Variants in SPEF2 observed in about 807,000 individuals in gnomAD.
SPEF2 encodes sperm flagellar and cilia associated 2, also known as sperm flagella and cilia-associated protein 2.
SPEF2 carries 187 observed loss-of-function variants against 224.6 expected under a neutral mutation model. That is an observed-to-expected ratio of 0.83 (90% CI 0.74 to 0.94). SPEF2 has a LOEUF of 0.94. Among genes scored for constraint, SPEF2 ranks in the 40% least tolerant of loss-of-function variants. The pLI is 0.00. For synonymous variants in SPEF2, 715 were observed against 707.3 expected (o/e 1.01, Z -0.17); for missense variants, 2,170 against 2,135.6 (o/e 1.02, Z -0.32).
intron 30 of SPEF2, 37 bp downstream of exon 30, chr5:35,779,383 A>C (rs2149799955): frequency 6.6e-7 from 1 of 1,516,710 alleles, no homozygotes; most frequent in Admixed American, 1.9e-5. Context: ...AGCACAAAAA[A>C]AGGTTAAGAT....
In SPEF2 at chr5:35,749,039, C is replaced by A. The variant is rs1580567352; in HGVS notation, c.3331-4585C>A. 2.0e-5 allele frequency among the ~76,000 whole-genome samples: 3 copies of A among 152,054 alleles called. 1 individual carries two copies. In the East Asian group the frequency reaches 5.8e-4, roughly 29 times the overall value. Reference sequence around the variant, plus strand: ...CAGGGATGGTTTAACATACACAAGTCAATAAATGTGATACACCACATAAAC... The same window carrying A: ...CAGGGATGGTTTAACATACACAAGTAAATAAATGTGATACACCACATAAAC... On this transcript the variant is annotated intron_variant, in intron 23 of 36. Transcript: ENST00000356031.
chr5:35,797,408 G>A (rs752427692), intron 33 of SPEF2, among the ~76,000 whole-genome samples: 3 of 150,974 alleles, frequency 2.0e-5, no homozygotes, highest in Admixed American at 6.6e-5. Flanking sequence ...TTTTCCATCC[G>A]CCCCATGGGT....
chr5:35,733,725 G>A lies in SPEF2; in HGVS notation c.3063+5902G>A, dbSNP rs80195297. Among the ~76,000 whole-genome samples the A allele has an allele frequency of 9.0e-3, 1,366 of 151,894 alleles. 17 individuals are homozygous for A. The highest frequency in any genetic ancestry group is 0.032 in the African/African-American group (1,330 of 41,398). On this transcript the variant is annotated intron_variant, in intron 21 of 36. Transcript: ENST00000356031. ...GAAACCACGGAATGTTTTTCAGCAAGAAAGTAACATGTTGGAATAATTTTC... is the reference window on the plus strand; with the variant it reads ...GAAACCACGGAATGTTTTTCAGCAAAAAAGTAACATGTTGGAATAATTTTC...
At chr5:35,645,691 A>G (rs1747266689) in intron 4 of SPEF2, among the ~76,000 whole-genome samples, 1 of 152,186 alleles carries the variant, frequency 6.6e-6, no homozygotes. Context: ...CCTAATGCAG[A>G]CAGTCTCCAA....
intron 36 of SPEF2, among the ~76,000 whole-genome samples, chr5:35,813,893 C>T (rs1391564636): frequency 6.6e-6 from 1 of 151,372 alleles, no homozygotes; most frequent in African/African-American, 2.4e-5. Context: ...GTTGGTACTC[C>T]TTCTACATTG....
chr5:35,698,395 A>G (rs6451205), intron 15 of SPEF2: 100,866 of 152,004 alleles, frequency 0.66, 33,956 homozygotes, highest in African/African-American at 0.78. Context: ...ATGATGATAT[A>G]TCTAGAAATC....
chr5:35,767,814 A>G (rs1026676163), intron 26 of SPEF2, among the ~76,000 whole-genome samples: 6 of 152,070 alleles, frequency 3.9e-5, no homozygotes, highest in African/African-American at 1.4e-4. Context: ...TTCATTATTG[A>G]CCTAAGAGAA....
At chr5:35,788,836 C>G (rs1202444826) in intron 30 of SPEF2, 14 of 702,808 alleles carry the variant, frequency 2.0e-5, no homozygotes, top group Non-Finnish European at 3.4e-5. Context: ...ATGTCAAAGA[C>G]CTCCTTCACA....
At chr5:35,741,607 C>G (rs1747650137) in intron 23 of SPEF2, among the ~76,000 whole-genome samples, 1 of 152,146 alleles carries the variant, frequency 6.6e-6, no homozygotes, top group African/African-American at 2.4e-5. Context: ...TTAAAAGAGT[C>G]TGCAGTAGAG....
intron 12 of SPEF2, among the ~76,000 whole-genome samples, chr5:35,693,098 T>C (rs1580307537): frequency 6.6e-6 from 1 of 151,984 alleles, no homozygotes; most frequent in Non-Finnish European, 1.5e-5. Flanking sequence ...GAAGATTGAA[T>C]TGTGGAGGTT....
At position 35,619,989 on chromosome 5, in the gene SPEF2, G is replaced by A. The variant is rs974251427; in HGVS notation, c.58+1934G>A. 5.2e-5 allele frequency among the ~76,000 whole-genome samples: 6 copies of A among 115,132 alleles called. No individual in the cohort carries two copies. In the East Asian group the frequency reaches 1.2e-3, roughly 24 times the overall value. The allele number at this position is 115,132 out of a possible 152,430, so 75.5% of individuals were successfully genotyped here. On this transcript the variant is annotated intron_variant, in intron 1 of 36. Coordinates refer to ENST00000356031, the MANE Select transcript of SPEF2 (RefSeq NM_024867.4). ...ATCTGGAAGCTAGCAGAGATGCCCC[G>A]TTCTAATGGAGTATTCTGCTTTCCA...
At chr5:35,680,715 A>C (rs1752675998) in intron 10 of SPEF2, among the ~76,000 whole-genome samples, 1 of 152,210 alleles carries the variant, frequency 6.6e-6, no homozygotes, top group Admixed American at 6.5e-5. Context: ...TGATTTGTGA[A>C]GTATGAGTAG....
chr5:35,786,214 C>T (rs1260548705), intron 30 of SPEF2, among the ~76,000 whole-genome samples: 1 of 152,136 alleles, frequency 6.6e-6, no homozygotes, highest in Non-Finnish European at 1.5e-5. Context: ...TGGCCTAATA[C>T]GGAAGATTGA....
chr5:35,752,328 A>T (rs1749790246), intron 23 of SPEF2, among the ~76,000 whole-genome samples: 1 of 152,088 alleles, frequency 6.6e-6, no homozygotes, highest in Non-Finnish European at 1.5e-5. Context: ...GGTCTCTGTC[A>T]CTCAGGCTGA....
intron 21 of SPEF2, among the ~76,000 whole-genome samples, chr5:35,730,670 G>A (rs1193737935): frequency 6.6e-6 from 1 of 152,230 alleles, no homozygotes; most frequent in Non-Finnish European, 1.5e-5. Context: ...AACATGGACA[G>A]TTAGGTAAAT....
intron 2 of SPEF2, among the ~76,000 whole-genome samples, chr5:35,635,625 T>G (rs1007764755): frequency 2.6e-5 from 4 of 152,200 alleles, no homozygotes; most frequent in Admixed American, 1.3e-4. Flanking sequence ...ATGTTAACAC[T>G]GTTTTCCAAC....
chr5:35,727,485 A>C (rs1336813813), intron 20 of SPEF2, among the ~76,000 whole-genome samples, 190 bp from the exon 21 acceptor site: 2 of 152,180 alleles, frequency 1.3e-5, no homozygotes, highest in Non-Finnish European at 2.9e-5. Context: ...TAAAACATTT[A>C]CTATTATTAA....
chr5:35,768,879 G>T (rs1752430254), intron 26 of SPEF2, among the ~76,000 whole-genome samples: 1 of 152,096 alleles, frequency 6.6e-6, no homozygotes, highest in Admixed American at 6.6e-5. Context: ...TTTAACACAG[G>T]CTTTTTTCTA....
chr5:35,731,822 T>G (rs1745687483), intron 21 of SPEF2, among the ~76,000 whole-genome samples: 1 of 152,176 alleles, frequency 6.6e-6, no homozygotes, highest in Non-Finnish European at 1.5e-5. Context: ...GAGCACCTCA[T>G]TACATCTGTA....
Sources: gnomAD v4.1 joint callset for allele counts (sites outside exome capture counted in the v4.1 genomes callset) on GRCh38, gnomAD v4.1.1 for gene constraint, MANE v1.5 for transcripts, NCBI Gene and HGNC (gene_info 2026-07-23, HGNC 2026-07-21) for gene names.